FBN2: variants seen among roughly 807,000 people sequenced by gnomAD.
FBN2 encodes the protein fibrillin-2.
In FBN2, 105 loss-of-function variants were observed where a neutral mutation model predicts 355.6. The observed-to-expected ratio is 0.30, with a 90% CI of 0.25 to 0.35. The LOEUF (loss-of-function observed/expected upper bound fraction) is 0.35. FBN2 is among the 10% of genes least tolerant of loss of function. The pLI is 1.00. For missense variants in FBN2, 3,280 were observed against 3,758.7 expected, an observed-to-expected ratio of 0.87 and a Z score of 3.33; for synonymous variants, 1,350 against 1,301.2, an observed-to-expected ratio of 1.04 and a Z score of -0.81.
chr5:128,374,838 T>G, intron 14 of FBN2, 88 bp from the exon 15 acceptor site: 1 of 1,368,410 alleles, frequency 7.3e-7, no homozygotes, highest in Non-Finnish European at 1.0e-6. Flanking sequence ...TCTATACTAC[T>G]AACCTTTTGT....
At chr5:128,397,298 A>T (rs1312349798) in intron 8 of FBN2, among the ~76,000 whole-genome samples, 1 of 152,218 alleles carries the variant, frequency 6.6e-6, no homozygotes, top group Non-Finnish European at 1.5e-5. Context: ...CAAGGCCAGG[A>T]TGTAAATTAA....
At chr5:128,481,623 A>C (rs1755191230) in intron 5 of FBN2, among the ~76,000 whole-genome samples, 1 of 152,224 alleles carries the variant, frequency 6.6e-6, no homozygotes, top group African/African-American at 2.4e-5. Context: ...CTAAAATTTT[A>C]AATTTCCAAC....
intron 25 of FBN2, among the ~76,000 whole-genome samples, chr5:128,341,638 C>T (rs116439685): frequency 0.01 from 1,544 of 152,278 alleles, 26 homozygotes; most frequent in African/African-American, 0.036. Context: ...CTCTGATGGG[C>T]CATCCCAGTT....
chr5:128,487,912 CTTGAT>C (rs762828450), intron 5 of FBN2, among the ~76,000 whole-genome samples: 6 of 152,078 alleles, frequency 3.9e-5, no homozygotes, highest in Non-Finnish European at 7.4e-5. Context: ...AAGGAGATTT[CTTGAT>C]TTATCACAAA....
intron 10 of FBN2, among the ~76,000 whole-genome samples, 178 bp from the exon 11 acceptor site, chr5:128,392,333 T>TCA (rs1260859169): frequency 6.6e-6 from 1 of 152,234 alleles, no homozygotes; most frequent in Non-Finnish European, 1.5e-5. Context: ...GACACATGGT[T>TCA]GCAACTTGTA....
intron 34 of FBN2, among the ~76,000 whole-genome samples, chr5:128,322,500 T>G (rs992538927): frequency 6.6e-6 from 1 of 152,240 alleles, no homozygotes; most frequent in African/African-American, 2.4e-5. Context: ...GTTTTCTGCA[T>G]ATGGCTAGCC....
intron 5 of FBN2, among the ~76,000 whole-genome samples, chr5:128,503,652 G>T (rs914663092): frequency 9.2e-5 from 14 of 152,140 alleles, no homozygotes; most frequent in African/African-American, 3.4e-4. Flanking sequence ...GATGATTTAG[G>T]ATATCTGGTG....
chr5:128,392,217 G>A (rs925606058), intron 10 of FBN2, 62 bp from the exon 11 acceptor site: 3 of 1,417,602 alleles, frequency 2.1e-6, no homozygotes, highest in East Asian at 2.3e-5. Context: ...TTTCTGAATT[G>A]ATTTTTAAAG....
rs527688524 is a variant in FBN2 at position 128,516,726 on chromosome 5, T to G, written c.628+2547A>C. ...AAATTCAGTAATTTAAAAATATATA[T>G]ATAAACATTAAACGCTAACAGGGCA... is the stretch of plus-strand genomic sequence containing the variant. On this transcript the variant is annotated intron_variant, in intron 5 of 64. Transcript: ENST00000262464. 1.1e-3 allele frequency among the ~76,000 whole-genome samples: 165 copies of G among 152,300 alleles called. 1 individual carries two copies. Among genetic ancestry groups the G allele is most frequent in the African/African-American group, 3.8e-3 (158 of 41,566 alleles).
chr5:128,502,675 G>C (rs919175397), intron 5 of FBN2, among the ~76,000 whole-genome samples: 5 of 152,132 alleles, frequency 3.3e-5, no homozygotes, highest in African/African-American at 9.7e-5. Context: ...GGTAAATCAA[G>C]AAATTGTGGC....
intron 8 of FBN2, 23 bp downstream of exon 8, chr5:128,408,651 A>G: frequency 6.2e-7 from 1 of 1,613,768 alleles, no homozygotes; most frequent in South Asian, 1.1e-5. Flanking sequence ...CAGTGTATTG[A>G]GCCTTCAAAA....
intron 7 of FBN2, among the ~76,000 whole-genome samples, chr5:128,425,981 A>G (rs2127022931): frequency 6.6e-6 from 1 of 152,320 alleles, no homozygotes; most frequent in African/African-American, 2.4e-5. Flanking sequence ...CTAGCTGTGT[A>G]TATGCATAAA....
chr5:128,385,918 C>G (rs1752355726), intron 11 of FBN2, among the ~76,000 whole-genome samples: 1 of 151,698 alleles, frequency 6.6e-6, no homozygotes. Flanking sequence ...CTTATAGATT[C>G]TGGATATTAG....
rs1450998228 is a variant in FBN2, at chr5:128,453,750, C to T, written c.827-7144G>A. Among the ~76,000 whole-genome samples the T allele has an allele frequency of 3.3e-5, 5 of 152,060 alleles. No individual in the cohort carries two copies. The East Asian group carries it at 9.6e-4, about 29-fold the overall frequency. On this transcript the variant is annotated intron_variant, in intron 6 of 64. Transcript: ENST00000262464. ...CAGAGTGGGGAAGGCTCAAAGGAAA[C>T]GTGTTGGTTTGAAACTTCCACAAGG...
intron 39 of FBN2, among the ~76,000 whole-genome samples, 190 bp downstream of exon 39, chr5:128,311,110 T>C (rs1750043295): frequency 1.3e-5 from 2 of 151,972 alleles, no homozygotes; most frequent in Non-Finnish European, 2.9e-5. Flanking sequence ...CAGTGAATTA[T>C]GGCAACGAGC....
At chr5:128,360,658 A>T (rs1019523491) in intron 19 of FBN2, among the ~76,000 whole-genome samples, 1 of 152,016 alleles carries the variant, frequency 6.6e-6, no homozygotes, top group Non-Finnish European at 1.5e-5. Context: ...CATTGACTTC[A>T]GCAGAGTCAT....
At chr5:128,443,834 T>C (rs1004793291) in intron 7 of FBN2, among the ~76,000 whole-genome samples, 6 of 152,148 alleles carry the variant, frequency 3.9e-5, no homozygotes, top group Non-Finnish European at 5.9e-5. Flanking sequence ...AATTAAAATA[T>C]TTTACCTTTG....
intron 62 of FBN2, among the ~76,000 whole-genome samples, chr5:128,270,076 C>T (rs925230615): frequency 1.3e-5 from 2 of 152,104 alleles, no homozygotes; most frequent in African/African-American, 4.8e-5. Context: ...ACAAACCTGA[C>T]AAAAACAAGC....
intron 7 of FBN2, among the ~76,000 whole-genome samples, chr5:128,419,779 G>A (rs372929399): frequency 2.0e-5 from 3 of 152,046 alleles, no homozygotes; most frequent in Non-Finnish European, 2.9e-5. Flanking sequence ...CAAAACCTCC[G>A]CTTCCCAGGT....
Sources: allele counts gnomAD v4.1 joint callset (sites outside exome capture counted in the v4.1 genomes callset), GRCh38; gene constraint gnomAD v4.1.1; transcripts MANE v1.5; gene names NCBI Gene and HGNC (gene_info 2026-07-23, HGNC 2026-07-21).